Variants in DLG2 observed in about 807,000 individuals in gnomAD.
DLG2 encodes discs large MAGUK scaffold protein 2, also known as disks large homolog 2.
DLG2 carries 45 observed loss-of-function variants against 132.5 expected under a neutral mutation model. The ratio of observed to expected loss-of-function variants is 0.34; its 90% CI spans 0.27 to 0.44. DLG2 has a LOEUF of 0.44. Ranked by LOEUF, DLG2 falls within the 20% of genes least tolerant of loss-of-function variation. The pLI is 1.00. For missense variants in DLG2, 1,045 were observed against 1,196.9 expected, an observed-to-expected ratio of 0.87 and a Z score of 1.87; for synonymous variants, 424 against 419.6, an observed-to-expected ratio of 1.01 and a Z score of -0.13.
At chr11:85,100,719 T>C (rs1416530740) in intron 6 of DLG2, among the ~76,000 whole-genome samples, 1 of 151,962 alleles carries the variant, frequency 6.6e-6, no homozygotes, top group Non-Finnish European at 1.5e-5. Context: ...CACCCCACCA[T>C]CTCTACCACA....
intron 7 of DLG2, among the ~76,000 whole-genome samples, chr11:84,421,801 T>A (rs777553540): frequency 3.0e-4 from 45 of 152,220 alleles, no homozygotes; most frequent in Non-Finnish European, 5.3e-4. Flanking sequence ...TGCAGCTTCA[T>A]GAAAAAGCCA....
At chr11:84,894,823 C>G (rs1431311950) in intron 6 of DLG2, among the ~76,000 whole-genome samples, 3 of 152,100 alleles carry the variant, frequency 2.0e-5, no homozygotes, top group Non-Finnish European at 4.4e-5. Flanking sequence ...CAATCTCCTG[C>G]CTCTGGCCTA....
intron 18 of DLG2, among the ~76,000 whole-genome samples, chr11:83,695,974 CG>C (rs961559813): frequency 4.6e-5 from 7 of 152,030 alleles, no homozygotes; most frequent in African/African-American, 1.7e-4. Context: ...TTGGGAGTCA[CG>C]GGGTGGATCA....
rs11828723 is a variant in DLG2 at position 83,657,803 on chromosome 11, G to A, written c.1826-24478C>T. Among the ~76,000 whole-genome samples, 146 of 152,272 alleles carry A rather than the reference G, an allele frequency of 9.6e-4. 1 individual carries two copies. The highest frequency in any genetic ancestry group is 3.4e-3 in the African/African-American group (140 of 41,568). The stretch of plus-strand genomic sequence containing the variant: ...GATCCGCCCGCCTTGGCCTCCCAAA[G>A]TGCTGGGATTACAGGCGTGAGCCAC... On this transcript the variant is annotated intron_variant, in intron 18 of 27. Transcript: ENST00000376104.
intron 3 of DLG2, among the ~76,000 whole-genome samples, chr11:85,409,397 T>A (rs980630783): frequency 6.6e-6 from 1 of 151,724 alleles, no homozygotes; most frequent in Non-Finnish European, 1.5e-5. Flanking sequence ...TTTTCCTCCC[T>A]AAAAGGGGAA....
chr11:84,925,724 G>A (rs2092953843), intron 6 of DLG2, among the ~76,000 whole-genome samples: 1 of 152,154 alleles, frequency 6.6e-6, no homozygotes, highest in African/African-American at 2.4e-5. Context: ...CAAGTGAGTA[G>A]TCCTGGAAAA....
intron 6 of DLG2, among the ~76,000 whole-genome samples, chr11:85,068,327 A>C (rs1458596455): frequency 6.6e-6 from 1 of 152,116 alleles, no homozygotes; most frequent in African/African-American, 2.4e-5. Flanking sequence ...AAGGAAATAA[A>C]GGGTATTCAA....
At chr11:84,272,229 A>C in intron 7 of DLG2, 1 of 398,166 alleles carries the variant, frequency 2.5e-6, no homozygotes, top group South Asian at 1.8e-5. Flanking sequence ...TCGAAGTTAC[A>C]GGGAAAAATA....
chr11:85,368,232 G>T (rs1245101328), intron 3 of DLG2, among the ~76,000 whole-genome samples: 3 of 152,202 alleles, frequency 2.0e-5, no homozygotes, highest in Admixed American at 1.3e-4. Flanking sequence ...GTGGTGAAAA[G>T]AGAAAATTAT....
intron 3 of DLG2, among the ~76,000 whole-genome samples, chr11:85,437,247 C>A (rs1231257986): frequency 1.3e-5 from 2 of 151,676 alleles, no homozygotes; most frequent in East Asian, 3.9e-4. Context: ...AGCAAACCAC[C>A]ATGCCACATG....
chr11:84,157,155 GTTTAA>G (rs2095444481), intron 9 of DLG2, among the ~76,000 whole-genome samples: 1 of 151,936 alleles, frequency 6.6e-6, no homozygotes, highest in African/African-American at 2.4e-5. Flanking sequence ...AAATCTTATA[GTTTAA>G]TTAAATAATT....
intron 19 of DLG2, among the ~76,000 whole-genome samples, chr11:83,573,497 T>G (rs1240392985): frequency 6.6e-6 from 1 of 152,162 alleles, no homozygotes; most frequent in South Asian, 2.1e-4. Flanking sequence ...TGATGAATAA[T>G]GCAACCTTAT....
chr11:85,325,308 G>A (rs894849999), intron 3 of DLG2, among the ~76,000 whole-genome samples: 15 of 152,286 alleles, frequency 9.8e-5, no homozygotes, highest in African/African-American at 2.9e-4. Context: ...TAGGCTCCAC[G>A]TCTGGGGGCA....
chr11:84,504,901 C>T (rs2099234308), intron 7 of DLG2, among the ~76,000 whole-genome samples: 2 of 152,056 alleles, frequency 1.3e-5, no homozygotes, highest in Admixed American at 1.3e-4. Context: ...ATACCCTTCC[C>T]CCAACAGAAA....
chr11:84,425,015 T>C (rs1013135378), intron 7 of DLG2, among the ~76,000 whole-genome samples: 4 of 152,128 alleles, frequency 2.6e-5, no homozygotes, highest in African/African-American at 9.7e-5. Context: ...TGTATGCTTC[T>C]TTTTAGATTT....
intron 18 of DLG2, among the ~76,000 whole-genome samples, chr11:83,653,329 C>A (rs953045570): frequency 6.6e-6 from 1 of 152,332 alleles, no homozygotes; most frequent in African/African-American, 2.4e-5. Flanking sequence ...ATAAAAGACA[C>A]AATTCACAAA....
At chr11:84,408,344 TA>T (rs2098870607) in intron 7 of DLG2, among the ~76,000 whole-genome samples, 1 of 151,466 alleles carries the variant, frequency 6.6e-6, no homozygotes, top group African/African-American at 2.4e-5. Context: ...ATGTTATATA[TA>T]TATATATATA....
At chr11:84,441,749 A>T (rs1204608449) in intron 7 of DLG2, among the ~76,000 whole-genome samples, 2 of 152,186 alleles carry the variant, frequency 1.3e-5, no homozygotes, top group East Asian at 3.9e-4. Flanking sequence ...CTTTTTCTCA[A>T]AGAGCCCTAT....
chr11:84,597,679 T>C (rs2154531661), intron 6 of DLG2, among the ~76,000 whole-genome samples: 1 of 152,188 alleles, frequency 6.6e-6, no homozygotes, highest in East Asian at 1.9e-4. Context: ...TAAAGAAAAA[T>C]CTATCTCCAA....
Sources: gnomAD v4.1 joint callset for allele counts (sites outside exome capture counted in the v4.1 genomes callset) on GRCh38, gnomAD v4.1.1 for gene constraint, MANE v1.5 for transcripts, NCBI Gene and HGNC (gene_info 2026-07-23, HGNC 2026-07-21) for gene names.